Variants in PRKG1 observed in about 807,000 individuals in gnomAD.
PRKG1 encodes the protein cGMP-dependent protein kinase 1.
A neutral mutation model predicts 88.1 loss-of-function variants in PRKG1; 35 were observed. The observed-to-expected ratio is 0.40, with a 90% CI of 0.30 to 0.53. The LOEUF is 0.53. Among genes scored for constraint, PRKG1 ranks in the 20% least tolerant of loss-of-function variants. PRKG1 has a pLI of 0.59. For synonymous variants in PRKG1, 303 were observed against 292.5 expected (o/e 1.04, Z -0.37); for missense variants, 540 against 839.8 (o/e 0.64, Z 4.41).
intron 3 of PRKG1, among the ~76,000 whole-genome samples, chr10:51,557,026 T>C (rs1376490643): frequency 6.6e-6 from 1 of 152,032 alleles, no homozygotes; most frequent in Non-Finnish European, 1.5e-5. Context: ...GACTCTTCTT[T>C]TTCTCCTTGA....
intron 4 of PRKG1, among the ~76,000 whole-genome samples, chr10:51,807,380 C>T (rs1343455041): frequency 1.3e-5 from 2 of 152,084 alleles, no homozygotes; most frequent in African/African-American, 4.8e-5. Context: ...GGAAAGGGTA[C>T]CATCCCTTTC....
chr10:51,937,819 C>A (rs1302760370), intron 5 of PRKG1, among the ~76,000 whole-genome samples: 5 of 151,906 alleles, frequency 3.3e-5, no homozygotes, highest in Non-Finnish European at 7.4e-5. Flanking sequence ...CTTTCTGTGG[C>A]CCGAAAATAT....
intron 3 of PRKG1, among the ~76,000 whole-genome samples, chr10:51,616,307 G>A (rs1839053684): frequency 1.3e-5 from 2 of 152,210 alleles, no homozygotes; most frequent in African/African-American, 2.4e-5. Context: ...GATTTATTCA[G>A]ATGCCCACAG....
chr10:51,603,805 T>C (rs756137516), intron 3 of PRKG1, among the ~76,000 whole-genome samples: 24 of 152,120 alleles, frequency 1.6e-4, no homozygotes, highest in Non-Finnish European at 3.4e-4. Flanking sequence ...AGAGTGACTT[T>C]AGGAGAAGGG....
intron 4 of PRKG1, among the ~76,000 whole-genome samples, chr10:51,821,790 G>A (rs1221183686): frequency 2.6e-5 from 4 of 151,960 alleles, no homozygotes; most frequent in Non-Finnish European, 4.4e-5. Context: ...AGAATTGAGA[G>A]CCCAGAAATA....
intron 9 of PRKG1, among the ~76,000 whole-genome samples, chr10:52,173,406 A>T (rs1838765771): frequency 6.6e-6 from 1 of 152,208 alleles, no homozygotes; most frequent in Non-Finnish European, 1.5e-5. Context: ...AAAATTATAG[A>T]CTACCTTCGA....
chr10:52,158,547 A>T (rs1199702122), intron 8 of PRKG1, among the ~76,000 whole-genome samples: 3 of 151,660 alleles, frequency 2.0e-5, no homozygotes, highest in South Asian at 4.1e-4. Flanking sequence ...GATGTCTTAA[A>T]TTACTCATTG....
At chr10:51,458,480 C>G (rs1490899494) in intron 2 of PRKG1, among the ~76,000 whole-genome samples, 1 of 151,222 alleles carries the variant, frequency 6.6e-6, no homozygotes, top group South Asian at 2.1e-4. Flanking sequence ...TAACTGTTCC[C>G]TCGATTAGTT....
intron 3 of PRKG1, among the ~76,000 whole-genome samples, chr10:51,667,550 A>G (rs949962177): frequency 7.3e-5 from 11 of 150,468 alleles, no homozygotes; most frequent in African/African-American, 2.7e-4. Flanking sequence ...ACATTTCAAC[A>G]TTATACAAAC....
intron 5 of PRKG1, among the ~76,000 whole-genome samples, chr10:51,947,881 A>G (rs892680519): frequency 5.9e-5 from 9 of 152,178 alleles, no homozygotes; most frequent in Non-Finnish European, 1.3e-4. Flanking sequence ...AGGAGATGAC[A>G]GCACCAAAGA....
At chr10:51,656,397 A>G (rs1840161671) in intron 3 of PRKG1, among the ~76,000 whole-genome samples, 1 of 152,062 alleles carries the variant, frequency 6.6e-6, no homozygotes, top group African/African-American at 2.4e-5. Flanking sequence ...GTGCACATCA[A>G]TTCATTCATT....
At chr10:52,047,885 A>G (rs1845900831) in intron 5 of PRKG1, among the ~76,000 whole-genome samples, 1 of 152,146 alleles carries the variant, frequency 6.6e-6, no homozygotes, top group South Asian at 2.1e-4. Flanking sequence ...CTGAAAGAAT[A>G]AGGTACAAAC....
intron 3 of PRKG1, among the ~76,000 whole-genome samples, chr10:51,793,625 G>A (rs2132588544): frequency 6.6e-6 from 1 of 152,066 alleles, no homozygotes; most frequent in East Asian, 1.9e-4. Context: ...ACAAAGAGAG[G>A]AAAGCAGAAA....
intron 7 of PRKG1, among the ~76,000 whole-genome samples, chr10:52,073,333 G>T (rs1289891041): frequency 2.0e-5 from 3 of 152,108 alleles, no homozygotes; most frequent in Non-Finnish European, 2.9e-5. Context: ...CATATCTTTT[G>T]GGAGGGCACA....
At chr10:52,116,998 T>C (rs544421766) in intron 7 of PRKG1, among the ~76,000 whole-genome samples, 1 of 152,268 alleles carries the variant, frequency 6.6e-6, no homozygotes, top group East Asian at 1.9e-4. Context: ...AAAGATATCC[T>C]GTGAGTTAAT....
At chr10:51,627,885 C>A (rs1164680793) in intron 3 of PRKG1, among the ~76,000 whole-genome samples, 1 of 129,624 alleles carries the variant, frequency 7.7e-6, no homozygotes, top group African/African-American at 2.8e-5. Flanking sequence ...CCTTCCCTTC[C>A]CTTCCTTCCC....
At chr10:51,704,141 C>CAAAAAAAAAAAAAAAAAA (rs34997783) in intron 3 of PRKG1, among the ~76,000 whole-genome samples, 1 of 79,602 alleles carries the variant, frequency 1.3e-5, no homozygotes. Flanking sequence ...GAAACTGTCT[C>CAAAAAAAAAAAAAAAAAA]AAAAAAAAAA....
At chr10:52,138,345 T>C (rs1837483957) in intron 8 of PRKG1, among the ~76,000 whole-genome samples, 1 of 152,172 alleles carries the variant, frequency 6.6e-6, no homozygotes, top group Admixed American at 6.6e-5. Flanking sequence ...CCTCTGATAA[T>C]GTCAAGCTAA....
At chr10:52,253,157 A>G (rs1841220469) in intron 10 of PRKG1, among the ~76,000 whole-genome samples, 1 of 151,948 alleles carries the variant, frequency 6.6e-6, no homozygotes, top group Admixed American at 6.6e-5. Flanking sequence ...TCAGAGAGTG[A>G]TTGTAGGACT....
Sources: gnomAD v4.1 joint callset for allele counts (sites outside exome capture counted in the v4.1 genomes callset) on GRCh38, gnomAD v4.1.1 for gene constraint, MANE v1.5 for transcripts, NCBI Gene and HGNC (gene_info 2026-07-23, HGNC 2026-07-21) for gene names.